Variants in LYRM7 observed in about 807,000 individuals in gnomAD.
LYRM7 encodes complex III assembly factor LYRM7.
A neutral mutation model predicts 15.8 loss-of-function variants in LYRM7; 9 were observed. The observed-to-expected ratio is 0.57, with a 90% CI of 0.34 to 0.99. The LOEUF (loss-of-function observed/expected upper bound fraction) is 0.99, where lower values mean the gene tolerates loss of function less well. Ranked by LOEUF, LYRM7 falls within the 50% of genes least tolerant of loss-of-function variation. The probability of loss-of-function intolerance (pLI) is 0.02; values close to 1 mark genes in which losing one functional copy is unlikely to be tolerated. For synonymous variants in LYRM7, 39 were observed against 39.4 expected (o/e 0.99, Z 0.04); for missense variants, 115 against 119.1 (o/e 0.97, Z 0.16).
chr5:131,171,063 G>T, intron 1 of LYRM7, 25 bp downstream of exon 1: 19 of 1,515,894 alleles, frequency 1.3e-5, no homozygotes, highest in Non-Finnish European at 1.5e-5. Context: ...GAAGGGGTGG[G>T]TACGATGCCG....
At chr5:131,182,590 GTGAC>G (rs1268606972) in intron 3 of LYRM7, among the ~76,000 whole-genome samples, 2 of 152,206 alleles carry the variant, frequency 1.3e-5, no homozygotes, top group Non-Finnish European at 2.9e-5. Context: ...CTTAAAGCAA[GTGAC>G]TGGAACTAAA....
intron 3 of LYRM7, among the ~76,000 whole-genome samples, chr5:131,186,573 A>T (rs1290155171): frequency 1.3e-5 from 2 of 152,226 alleles, no homozygotes; most frequent in Non-Finnish European, 2.9e-5. Context: ...TTCCTATGAT[A>T]AAGTTTAATT....
Position 131,202,460 on chromosome 5 carries a change from C to T in LYRM7, c.*2859C>T, listed in dbSNP as rs1408514347. 1 of 152,162 alleles carries T rather than the reference C, an allele frequency of 6.6e-6. No homozygotes were observed. Among genetic ancestry groups the T allele is most frequent in the Non-Finnish European group, 1.5e-5 (1 of 68,038 alleles). 9.4% of individuals were successfully genotyped at this position (152,162 alleles called of 1,614,324 possible). On this transcript the variant is annotated 3_prime_UTR_variant, in exon 5 of 5. Coordinates refer to ENST00000379380, the MANE Select transcript of LYRM7 (RefSeq NM_181705.4). ...GGTGAGCTAAGATTGTGCCACTGCA[C>T]TCCAGCCTGAGAGAACAAGACTCCG...
chr5:131,196,407 T>C (rs1395320221), intron 4 of LYRM7, among the ~76,000 whole-genome samples: 2 of 152,194 alleles, frequency 1.3e-5, no homozygotes, highest in Admixed American at 1.3e-4. Context: ...ATGTGACACC[T>C]TTCTGGTCTA....
intron 4 of LYRM7, among the ~76,000 whole-genome samples, chr5:131,194,745 A>C (rs1231444675): frequency 6.6e-6 from 1 of 151,984 alleles, no homozygotes; most frequent in Non-Finnish European, 1.5e-5. Context: ...TTTTTCTGGC[A>C]CCCCACGAGA....
At chr5:131,193,399 T>C (rs911666361) in intron 4 of LYRM7, among the ~76,000 whole-genome samples, 1 of 152,226 alleles carries the variant, frequency 6.6e-6, no homozygotes, top group African/African-American at 2.4e-5. Context: ...CAGAGACTGC[T>C]GAGACACATA....
rs1369448644 is a variant in LYRM7 at position 131,201,138 on chromosome 5, A to G, written c.*1537A>G. On this transcript the variant is annotated 3_prime_UTR_variant, in exon 5 of 5. Coordinates refer to ENST00000379380, the MANE Select transcript of LYRM7 (RefSeq NM_181705.4). ...AGACCAGCCTGGCCAATGTGGTGAA[A>G]CCCCATCTCTACTAAAAACACAAAA... 1 of 151,372 alleles carries G rather than the reference A, an allele frequency of 6.6e-6. No homozygotes were observed. Among genetic ancestry groups the G allele is most frequent in the Non-Finnish European group, 1.5e-5 (1 of 67,898 alleles). 9.4% of individuals were successfully genotyped at this position (151,372 alleles called of 1,614,324 possible). A position where few individuals can be genotyped will look rare whatever the true frequency, so the allele number is the denominator to read the frequency against.
At chr5:131,186,762 T>A (rs1755800423) in intron 3 of LYRM7, among the ~76,000 whole-genome samples, 1 of 152,142 alleles carries the variant, frequency 6.6e-6, no homozygotes, top group Admixed American at 6.5e-5. Flanking sequence ...ATGATTCACA[T>A]CCCAGACAGG....
intron 4 of LYRM7, among the ~76,000 whole-genome samples, chr5:131,195,275 A>C (rs757856496): frequency 8.5e-5 from 13 of 152,102 alleles, no homozygotes; most frequent in Admixed American, 4.6e-4. Flanking sequence ...TCTGTCTCAA[A>C]AAATAATAAT....
intron 1 of LYRM7, among the ~76,000 whole-genome samples, chr5:131,172,640 A>G: frequency 6.6e-6 from 1 of 152,214 alleles, no homozygotes; most frequent in East Asian, 1.9e-4. Flanking sequence ...CACTTATGCT[A>G]CATGTGGGAA....
chr5:131,190,369 T>C (rs1755866333), intron 4 of LYRM7, among the ~76,000 whole-genome samples: 1 of 152,006 alleles, frequency 6.6e-6, no homozygotes, highest in Admixed American at 6.6e-5. Flanking sequence ...CTAATTTTTG[T>C]ATTTTTAGTA....
chr5:131,174,040 A>T (rs1332515048), intron 1 of LYRM7, among the ~76,000 whole-genome samples: 2 of 152,230 alleles, frequency 1.3e-5, no homozygotes, highest in East Asian at 3.9e-4. Flanking sequence ...TTTTACCCAC[A>T]GTAGAGCATC....
At chr5:131,181,302 A>AAATATATATATATATATAT (rs1554089865) in intron 2 of LYRM7, among the ~76,000 whole-genome samples, 3 of 8,774 alleles carry the variant, frequency 3.4e-4, no homozygotes, top group East Asian at 3.3e-3. Context: ...AAAAAAAAAA[A>AAATATATATATATATATAT]ATATATATAT....
intron 1 of LYRM7, among the ~76,000 whole-genome samples, chr5:131,176,719 C>T (rs891707673): frequency 3.9e-5 from 6 of 152,116 alleles, no homozygotes; most frequent in Non-Finnish European, 7.4e-5. Flanking sequence ...CCCTCAACCC[C>T]TTCCTATCCT....
In LYRM7 at chr5:131,184,557, C is replaced by T. The variant is rs78335621; in HGVS notation, c.162+2258C>T. Among the ~76,000 whole-genome samples, 476 of 150,764 alleles carry T rather than the reference C, an allele frequency of 3.2e-3. 5 individuals are homozygous for T. Among genetic ancestry groups the T allele is most frequent in the African/African-American group, 0.011 (456 of 40,882 alleles). Reference sequence around the variant, plus strand: ...TGAGGTAATTTCTTTTTTTTTGAGACGGAGTCTCACTCTGTCACCCAGTTA... The same window carrying T: ...TGAGGTAATTTCTTTTTTTTTGAGATGGAGTCTCACTCTGTCACCCAGTTA... On this transcript the variant is annotated intron_variant, in intron 3 of 4. Transcript: ENST00000379380.
chr5:131,187,004 C>T lies in LYRM7; in HGVS notation c.163-24C>T, dbSNP rs1310356676. 8 of 1,320,136 alleles carry T rather than the reference C, an allele frequency of 6.1e-6. No individual in the cohort carries two copies. The Admixed American group carries it at 1.2e-4, about 20-fold the overall frequency. 81.8% of individuals were successfully genotyped at this position (1,320,136 alleles called of 1,614,324 possible). On this transcript the variant is annotated intron_variant, in intron 3 of 4. Coordinates refer to ENST00000379380, the MANE Select transcript of LYRM7 (RefSeq NM_181705.4). ...ATATGAAACACCTAAAGGACTTACT[C>T]TATTTGTTTGGTTTTCTTAACAGCT...
chr5:131,184,640 C>CGGGG lies in LYRM7; in HGVS notation c.162+2348_162+2351dup, dbSNP rs561008958. Among the ~76,000 whole-genome samples the CGGGG allele has an allele frequency of 3.0e-3, 376 of 127,100 alleles. 3 individuals are homozygous for CGGGG. The highest frequency in any genetic ancestry group is 0.013 in the African/African-American group (349 of 26,660). 83.4% of individuals were successfully genotyped at this position (127,100 alleles called of 152,430 possible). A position where few individuals can be genotyped will look rare whatever the true frequency, so the allele number is the denominator to read the frequency against. On this transcript the variant is annotated intron_variant, in intron 3 of 4. Transcript: ENST00000379380. The stretch of plus-strand genomic sequence containing the variant: ...GTCAGACAAATGGAATTTTTTTTGG[C>CGGGG]GGGGGGGGGGTTCCAGGATTCATGC...
At chr5:131,193,875 G>A (rs1179046602) in intron 4 of LYRM7, among the ~76,000 whole-genome samples, 1 of 152,130 alleles carries the variant, frequency 6.6e-6, no homozygotes, top group Non-Finnish European at 1.5e-5. Context: ...CGGGCATGGT[G>A]GCACATGCTT....
chr5:131,184,050 A>G (rs1428197824), intron 3 of LYRM7, among the ~76,000 whole-genome samples: 1 of 151,848 alleles, frequency 6.6e-6, no homozygotes, highest in East Asian at 1.9e-4. Context: ...AGGTCACTGC[A>G]ACCTCCACCT....
Sources: gnomAD v4.1 joint callset for allele counts (sites outside exome capture counted in the v4.1 genomes callset) on GRCh38, gnomAD v4.1.1 for gene constraint, MANE v1.5 for transcripts, NCBI Gene and HGNC (gene_info 2026-07-23, HGNC 2026-07-21) for gene names.